CSMD1: variants seen among roughly 807,000 people sequenced by gnomAD.
CSMD1 encodes CUB and sushi domain-containing protein 1.
A neutral mutation model predicts 417.5 loss-of-function variants in CSMD1; 213 were observed. That is an observed-to-expected ratio of 0.51 (90% CI 0.46 to 0.57). The LOEUF is 0.57. CSMD1 is among the 20% of genes least tolerant of loss of function. The pLI is 0.00. For synonymous variants in CSMD1, 2,862 were observed against 1,736.8 expected, an observed-to-expected ratio of 1.65 and a Z score of -16.11; for missense variants, 6,923 against 4,529.7, an observed-to-expected ratio of 1.53 and a Z score of -15.17.
intron 10 of CSMD1, among the ~76,000 whole-genome samples, chr8:3,508,488 C>G (rs1478759896): frequency 6.7e-6 from 1 of 148,484 alleles, no homozygotes; most frequent in Admixed American, 6.8e-5. Context: ...CACATGTACC[C>G]TAGAACTTAA....
At chr8:3,455,973 C>T (rs142144552) in intron 12 of CSMD1, among the ~76,000 whole-genome samples, 4,584 of 152,102 alleles carry the variant, frequency 0.03, 131 homozygotes, top group East Asian at 0.12. Flanking sequence ...TTCGAGCTTC[C>T]GGGCTGCTTT....
intron 26 of CSMD1, among the ~76,000 whole-genome samples, chr8:3,237,129 C>T (rs538969583): frequency 6.8e-4 from 104 of 151,892 alleles, no homozygotes; most frequent in African/African-American, 2.3e-3. Context: ...GCTGCAATAA[C>T]GCCAATCTTT....
At chr8:4,173,438 G>A in intron 3 of CSMD1, among the ~76,000 whole-genome samples, 1 of 152,124 alleles carries the variant, frequency 6.6e-6, no homozygotes, top group Admixed American at 6.5e-5. Context: ...GGTCACCAGA[G>A]GACGTTACTG....
chr8:4,412,377 T>G (rs545707437), intron 3 of CSMD1, among the ~76,000 whole-genome samples: 14 of 152,286 alleles, frequency 9.2e-5, no homozygotes, highest in African/African-American at 3.4e-4. Flanking sequence ...CTCCCCTTGC[T>G]TCCGCATTTG....
chr8:3,391,294 G>C (rs147479210), intron 17 of CSMD1, among the ~76,000 whole-genome samples: 23 of 152,270 alleles, frequency 1.5e-4, no homozygotes, highest in African/African-American at 5.5e-4. Context: ...ATTTACAAGT[G>C]ATGAATCTTT....
intron 1 of CSMD1, among the ~76,000 whole-genome samples, chr8:4,918,108 T>C (rs1229410491): frequency 6.6e-6 from 1 of 152,164 alleles, no homozygotes; most frequent in Non-Finnish European, 1.5e-5. Flanking sequence ...AGAAAATATG[T>C]ATTCTATTAC....
intron 7 of CSMD1, among the ~76,000 whole-genome samples, chr8:3,617,976 A>C (rs562525768): frequency 3.3e-5 from 5 of 152,234 alleles, no homozygotes; most frequent in African/African-American, 1.2e-4. Flanking sequence ...ATTACCATAA[A>C]AACAACAGTA....
At chr8:4,547,896 C>T (rs1423799954) in intron 2 of CSMD1, among the ~76,000 whole-genome samples, 1 of 152,082 alleles carries the variant, frequency 6.6e-6, no homozygotes, top group Non-Finnish European at 1.5e-5. Context: ...AGCAATAATT[C>T]AGCCATGACA....
chr8:4,454,034 G>A (rs565830722), intron 2 of CSMD1, among the ~76,000 whole-genome samples: 2 of 151,902 alleles, frequency 1.3e-5, no homozygotes, highest in South Asian at 2.1e-4. Context: ...GTGTTAGCCG[G>A]GATGGTCTCG....
At chr8:3,876,572 G>C (rs1017898393) in intron 5 of CSMD1, among the ~76,000 whole-genome samples, 1 of 152,126 alleles carries the variant, frequency 6.6e-6, no homozygotes, top group Non-Finnish European at 1.5e-5. Context: ...TCTAAAATGA[G>C]GTACTGGCTT....
intron 3 of CSMD1, among the ~76,000 whole-genome samples, chr8:4,052,281 G>A (rs553602902): frequency 6.6e-6 from 1 of 152,124 alleles, no homozygotes; most frequent in Non-Finnish European, 1.5e-5. Flanking sequence ...CCTGCCATTT[G>A]GCAAAAGATT....
chr8:4,312,569 T>G (rs1307533715), intron 3 of CSMD1, among the ~76,000 whole-genome samples: 1 of 151,778 alleles, frequency 6.6e-6, no homozygotes, highest in Non-Finnish European at 1.5e-5. Context: ...GTTCTATTTA[T>G]GAGCAACAGA....
chr8:3,463,112 G>A (rs536299661), intron 12 of CSMD1, among the ~76,000 whole-genome samples: 1 of 152,278 alleles, frequency 6.6e-6, no homozygotes, highest in African/African-American at 2.4e-5. Context: ...CAATTCCATT[G>A]TCGCCAAGCC....
At chr8:3,554,535 C>A (rs1246823311) in intron 10 of CSMD1, among the ~76,000 whole-genome samples, 1 of 152,140 alleles carries the variant, frequency 6.6e-6, no homozygotes, top group East Asian at 1.9e-4. Context: ...ATAATTGGTA[C>A]CCCCAGCTCC....
rs537379394 is a variant in CSMD1, at chr8:3,263,550, T to A, written c.4153+20594A>T. On this transcript the variant is annotated intron_variant, in intron 26 of 69. Transcript: ENST00000635120. Reference sequence around the variant, plus strand: ...GTCTATAGTAAATGTTCATTTTTGGTAATACATTCAAGTAATTTTTGAAAT... The same window carrying A: ...GTCTATAGTAAATGTTCATTTTTGGAAATACATTCAAGTAATTTTTGAAAT... Among the ~76,000 whole-genome samples the A allele has an allele frequency of 2.0e-5, 3 of 152,338 alleles. No homozygotes were observed. In the East Asian group the frequency reaches 5.8e-4, roughly 29 times the overall value.
chr8:4,814,193 A>ATT (rs1491500747), intron 1 of CSMD1, among the ~76,000 whole-genome samples: 3 of 148,066 alleles, frequency 2.0e-5, no homozygotes, highest in African/African-American at 7.6e-5. Flanking sequence ...CTTCAGAATG[A>ATT]TTTTGTGTGT....
chr8:3,126,820 C>G (rs1321556703), intron 41 of CSMD1, among the ~76,000 whole-genome samples: 1 of 152,148 alleles, frequency 6.6e-6, no homozygotes, highest in Non-Finnish European at 1.5e-5. Context: ...AGACTACAGG[C>G]TTATACATCA....
At chr8:4,024,769 A>T (rs1007085813) in intron 4 of CSMD1, among the ~76,000 whole-genome samples, 1 of 152,194 alleles carries the variant, frequency 6.6e-6, no homozygotes, top group Non-Finnish European at 1.5e-5. Context: ...CGGCATACAT[A>T]AACATACGTA....
chr8:4,017,721 T>C (rs2130479118), intron 4 of CSMD1, among the ~76,000 whole-genome samples: 2 of 152,284 alleles, frequency 1.3e-5, no homozygotes, highest in East Asian at 3.9e-4. Context: ...ACTTTGTGCC[T>C]CGGCATTGTG....
Sources: allele counts gnomAD v4.1 joint callset (sites outside exome capture counted in the v4.1 genomes callset), GRCh38; gene constraint gnomAD v4.1.1; transcripts MANE v1.5; gene names NCBI Gene and HGNC (gene_info 2026-07-23, HGNC 2026-07-21).